Variants in LRRTM4 observed in about 807,000 individuals in gnomAD.
The protein encoded by LRRTM4 is leucine-rich repeat transmembrane neuronal protein 4.
LRRTM4 carries 25 observed loss-of-function variants against 47.6 expected under a neutral mutation model. That is an observed-to-expected ratio of 0.53 (90% confidence interval 0.38 to 0.73). The LOEUF (loss-of-function observed/expected upper bound fraction) is 0.73, where lower values mean the gene tolerates loss of function less well. Ranked by LOEUF, LRRTM4 falls within the 30% of genes least tolerant of loss-of-function variation. The pLI, the probability that LRRTM4 is intolerant of heterozygous loss-of-function variation, is 0.00. For missense variants in LRRTM4, 638 were observed against 713.4 expected (o/e 0.89, Z 1.20); for synonymous variants, 311 against 269.5 (o/e 1.15, Z -1.51).
At chr2:76,790,596 CATTAGCT>C (rs1379534674) in intron 3 of LRRTM4, among the ~76,000 whole-genome samples, 1 of 152,026 alleles carries the variant, frequency 6.6e-6, no homozygotes, top group Admixed American at 6.6e-5. Context: ...ACTTGATAAG[CATTAGCT>C]ATTAATAAAA....
At chr2:77,155,316 T>C (rs1191406480) in intron 3 of LRRTM4, among the ~76,000 whole-genome samples, 1 of 151,886 alleles carries the variant, frequency 6.6e-6, no homozygotes, top group Non-Finnish European at 1.5e-5. Flanking sequence ...TAAAGTAAGA[T>C]ACTGATAGTC....
intron 3 of LRRTM4, among the ~76,000 whole-genome samples, chr2:76,843,564 C>A (rs1296537552): frequency 6.6e-6 from 1 of 152,094 alleles, no homozygotes; most frequent in Non-Finnish European, 1.5e-5. Flanking sequence ...TTCATAATAA[C>A]AATAAATTAT....
chr2:76,799,546 C>T (rs1384359417), intron 3 of LRRTM4, among the ~76,000 whole-genome samples: 1 of 143,224 alleles, frequency 7.0e-6, no homozygotes, highest in Non-Finnish European at 1.5e-5. Flanking sequence ...TGGCACAAGA[C>T]AGGGATGCCC....
chr2:76,930,223 T>C (rs139776439), intron 3 of LRRTM4, among the ~76,000 whole-genome samples: 1,636 of 152,206 alleles, frequency 0.011, 33 homozygotes, highest in African/African-American at 0.038. Context: ...TCTATTACTG[T>C]GATTTCTAGG....
At chr2:77,487,524 A>C (rs1039370879) in intron 3 of LRRTM4, among the ~76,000 whole-genome samples, 29 of 152,294 alleles carry the variant, frequency 1.9e-4, no homozygotes, top group African/African-American at 7.0e-4. Flanking sequence ...GGCTGAGGCC[A>C]GCTCAGCGTG....
chr2:76,926,640 T>C (rs1362513099), intron 3 of LRRTM4, among the ~76,000 whole-genome samples: 2 of 152,128 alleles, frequency 1.3e-5, no homozygotes, highest in African/African-American at 4.8e-5. Context: ...TGTTATGGTG[T>C]TAGTGGTTTC....
At chr2:77,299,913 G>A (rs1252682142) in intron 3 of LRRTM4, among the ~76,000 whole-genome samples, 5 of 145,454 alleles carry the variant, frequency 3.4e-5, no homozygotes, top group African/African-American at 1.0e-4. Flanking sequence ...GTGCAGTGGC[G>A]CAATCTCGGC....
chr2:77,142,088 T>C (rs1042191748), intron 3 of LRRTM4, among the ~76,000 whole-genome samples: 4 of 152,310 alleles, frequency 2.6e-5, no homozygotes, highest in Middle Eastern at 3.4e-3. Context: ...GTAATAAGTG[T>C]TCTCTTCACT....
chr2:77,240,180 A>G (rs1434823968), intron 3 of LRRTM4, among the ~76,000 whole-genome samples: 1 of 151,934 alleles, frequency 6.6e-6, no homozygotes, highest in Non-Finnish European at 1.5e-5. Flanking sequence ...CTCCTAAATA[A>G]CTAGCACACC....
intron 3 of LRRTM4, among the ~76,000 whole-genome samples, chr2:77,390,845 C>T (rs1401186722): frequency 6.6e-6 from 1 of 151,162 alleles, no homozygotes; most frequent in African/African-American, 2.4e-5. Context: ...ACTTTGTAAA[C>T]AACTATACTT....
intron 3 of LRRTM4, among the ~76,000 whole-genome samples, chr2:77,290,579 A>G (rs115214518): frequency 0.025 from 3,741 of 152,096 alleles, 148 homozygotes; most frequent in African/African-American, 0.085. Flanking sequence ...CTAAGAAATG[A>G]TATATGCTTG....
At chr2:76,936,825 G>C (rs1355314564) in intron 3 of LRRTM4, among the ~76,000 whole-genome samples, 1 of 150,546 alleles carries the variant, frequency 6.6e-6, no homozygotes, top group Admixed American at 6.6e-5. Context: ...GTGGTGGCAG[G>C]CAACTGTAAT....
chr2:77,458,114 AT>A (rs1345704631), intron 3 of LRRTM4, among the ~76,000 whole-genome samples: 1 of 152,030 alleles, frequency 6.6e-6, no homozygotes, highest in East Asian at 1.9e-4. Context: ...TATGTCCAAT[AT>A]TTTTTTACCC....
chr2:77,328,323 T>C (rs1373688353), intron 3 of LRRTM4, among the ~76,000 whole-genome samples: 1 of 152,190 alleles, frequency 6.6e-6, no homozygotes, highest in Non-Finnish European at 1.5e-5. Flanking sequence ...CTGGCAGTCA[T>C]AGCAACCTTG....
Position 77,051,387 on chromosome 2 carries a change from T to C in LRRTM4, c.1552-302471A>G, listed in dbSNP as rs150792231. ...AGGCCAAGTGAGAGTGAAAGAACTG[T>C]TTACCATTTGCACTATGCACTTCCT... is the stretch of plus-strand genomic sequence containing the variant. On this transcript the variant is annotated intron_variant, in intron 3 of 3. Coordinates refer to ENST00000409884, the MANE Select transcript of LRRTM4 (RefSeq NM_001134745.3). Among the ~76,000 whole-genome samples, 16 of 152,210 alleles carry C rather than the reference T, an allele frequency of 1.1e-4. No homozygotes were observed. In the East Asian group the frequency reaches 3.1e-3, roughly 29 times the overall value.
intron 3 of LRRTM4, among the ~76,000 whole-genome samples, chr2:77,070,197 C>G (rs1254823576): frequency 6.6e-6 from 1 of 151,972 alleles, no homozygotes; most frequent in Admixed American, 6.6e-5. Flanking sequence ...ATAAAAATGC[C>G]ACCAAATTCA....
chr2:77,479,494 CG>C, intron 3 of LRRTM4, among the ~76,000 whole-genome samples: 1 of 152,280 alleles, frequency 6.6e-6, no homozygotes. Flanking sequence ...CAGTGTGCAC[CG>C]TAGCAGGATG....
chr2:76,945,830 TAAC>T (rs1267501199), intron 3 of LRRTM4, among the ~76,000 whole-genome samples: 1 of 151,916 alleles, frequency 6.6e-6, no homozygotes, highest in Non-Finnish European at 1.5e-5. Context: ...TTTGTAATCA[TAAC>T]AAAACTGGTT....
At chr2:76,823,041 G>A (rs1034971698) in intron 3 of LRRTM4, among the ~76,000 whole-genome samples, 11 of 151,426 alleles carry the variant, frequency 7.3e-5, no homozygotes, top group African/African-American at 2.7e-4. Flanking sequence ...AAACACTACA[G>A]GTAAAACTAG....
Sources: allele counts gnomAD v4.1 joint callset (sites outside exome capture counted in the v4.1 genomes callset), GRCh38; gene constraint gnomAD v4.1.1; transcripts MANE v1.5; gene names NCBI Gene and HGNC (gene_info 2026-07-23, HGNC 2026-07-21).